Variants in FADS2 observed in about 807,000 individuals in gnomAD.
FADS2 encodes the protein fatty acid desaturase 2.
In FADS2, 18 loss-of-function variants were observed where a neutral mutation model predicts 61.2. That is an observed-to-expected ratio of 0.29 (90% CI 0.20 to 0.44). FADS2 has a LOEUF of 0.44. Among genes scored for constraint, FADS2 ranks in the 20% least tolerant of loss-of-function variants. FADS2 has a pLI of 1.00. For missense variants in FADS2, 322 were observed against 572.7 expected (o/e 0.56, Z 4.47); for synonymous variants, 203 against 223.9 (o/e 0.91, Z 0.83).
intron 1 of FADS2, among the ~76,000 whole-genome samples, chr11:61,835,771 C>G (rs1384622981): frequency 6.6e-6 from 1 of 152,104 alleles, no homozygotes; most frequent in Non-Finnish European, 1.5e-5. Context: ...TATCCTCAAC[C>G]AAGATTCACT....
Position 61,817,023 on chromosome 11 carries a change from G to T in FADS2, c.141+597G>T, listed in dbSNP as rs1271131958. ...GCTGCCAACACGCGCCCCCTCGCGG[G>T]CTCCCTAAAGGCGTCGCCGCCGGAT... On this transcript the variant is annotated intron_variant, in intron 1 of 11. Transcript: ENST00000257261. The T allele has an allele frequency of 3.1e-6, 4 of 1,304,196 alleles. No homozygotes were observed. The East Asian group carries it at 1.3e-4, about 41-fold the overall frequency. The allele number at this position is 1,304,196 out of a possible 1,614,324, so 80.8% of individuals were successfully genotyped here. A position where few individuals can be genotyped will look rare whatever the true frequency, so the allele number is the denominator to read the frequency against.
chr11:61,830,782 C>A (rs1277982681), intron 1 of FADS2, among the ~76,000 whole-genome samples: 1 of 152,176 alleles, frequency 6.6e-6, no homozygotes, highest in Non-Finnish European at 1.5e-5. Context: ...GTACCTGTTT[C>A]AATGAGACTG....
At chr11:61,853,222 TTCTTTCTTC>T (rs2067322964) in intron 5 of FADS2, among the ~76,000 whole-genome samples, 1 of 148,886 alleles carries the variant, frequency 6.7e-6, no homozygotes, top group South Asian at 2.1e-4. Flanking sequence ...TAGTCACTCT[TTCTTTCTTC>T]TCTTTCTTTC....
chr11:61,830,434 T>C (rs182847104), intron 1 of FADS2, among the ~76,000 whole-genome samples: 4 of 152,374 alleles, frequency 2.6e-5, no homozygotes, highest in Admixed American at 2.6e-4. Context: ...TCTCAGTGCT[T>C]ACCTGACCTT....
intron 1 of FADS2, among the ~76,000 whole-genome samples, chr11:61,819,268 G>A (rs1565323773): frequency 6.6e-6 from 1 of 152,210 alleles, no homozygotes; most frequent in African/African-American, 2.4e-5. Context: ...ATAGCCTAAG[G>A]AAATGTTCTT....
chr11:61,831,386 A>G (rs954179887), intron 1 of FADS2, among the ~76,000 whole-genome samples: 1 of 152,202 alleles, frequency 6.6e-6, no homozygotes, highest in Non-Finnish European at 1.5e-5. Context: ...TGAGCCCATC[A>G]CAGTGCAGTC....
chr11:61,857,196 G>A (rs1179764488), intron 6 of FADS2, 125 bp downstream of exon 6: 7 of 878,910 alleles, frequency 8.0e-6, no homozygotes, highest in Admixed American at 3.9e-5. Context: ...TAGAAGCGGG[G>A]GCCACAGCAG....
chr11:61,861,353 C>CAAAAAAAAAAAAAAAAA lies in FADS2; in HGVS notation c.883-1617_883-1601dup, dbSNP rs58136105. 1.8e-3 allele frequency among the ~76,000 whole-genome samples: 54 copies of CAAAAAAAAAAAAAAAAA among 29,692 alleles called. 1 individual carries two copies. The East Asian group carries it at 0.019, about 11-fold the overall frequency. 19.5% of individuals were successfully genotyped at this position (29,692 alleles called of 152,430 possible). Reference sequence around the variant, plus strand: ...TGGGCGACAGAGCGAGACTCCCTCTCAAAAAAAAAAAAAAAAAACAGAAAT... The same window carrying CAAAAAAAAAAAAAAAAA: ...TGGGCGACAGAGCGAGACTCCCTCTCAAAAAAAAAAAAAAAAAAAAAAAAAAAAAAAAAAACAGAAAT... On this transcript the variant is annotated intron_variant, in intron 7 of 11. Transcript: ENST00000278840.
At position 61,863,009 on chromosome 11, in the gene FADS2, T is replaced by C. The variant is rs1222954452; in HGVS notation, c.920T>C (p.Phe307Ser). The change falls in exon 8 of 12, where the codon TTC (phenylalanine) becomes TCC (serine). Residue 307 changes from phenylalanine (F) to serine (S), a missense_variant. Phe to Ser is a radical substitution (Grantham distance 155). Transcript: ENST00000278840. ...GCCGTCAGCTACTACATCCGGTTCTTCATCACCTACATCCCTTTCTACGGC... is the reference window on the plus strand; with the variant it reads ...GCCGTCAGCTACTACATCCGGTTCTCCATCACCTACATCCCTTTCTACGGC... ...AWAVSYYIRFFITYIPFYGIL... is the reference protein window; with the variant it reads ...AWAVSYYIRFSITYIPFYGIL... The C allele has an allele frequency of 6.2e-7, 1 of 1,614,114 alleles. No individual in the cohort carries two copies. Among genetic ancestry groups the C allele is most frequent in the African/African-American group, 1.3e-5 (1 of 74,944 alleles).
Position 61,828,665 on chromosome 11 carries a change from G to T in FADS2, c.207+68G>T. 1 of 1,455,706 alleles carries T rather than the reference G, an allele frequency of 6.9e-7. No individual in the cohort carries two copies. Among genetic ancestry groups the T allele is most frequent in the Non-Finnish European group, 9.4e-7 (1 of 1,062,286 alleles). The allele number at this position is 1,455,706 out of a possible 1,614,324, so 90.2% of individuals were successfully genotyped here. A position where few individuals can be genotyped will look rare whatever the true frequency, so the allele number is the denominator to read the frequency against. Reference sequence around the variant, plus strand: ...GCGGAGTCAGGATCCCTGGCTCCCCGTGGGCCAAACAGACCTCCGGCGCTG... The same window carrying T: ...GCGGAGTCAGGATCCCTGGCTCCCCTTGGGCCAAACAGACCTCCGGCGCTG... On this transcript the variant is annotated intron_variant, in intron 1 of 11. Transcript: ENST00000278840. This position sits in a 1 kb window ranked among gnomAD's most constrained non-coding sequence, Gnocchi z 6.4.
chr11:61,817,159 A>T (rs6591659), intron 1 of FADS2: 3 of 352,612 alleles, frequency 8.5e-6, no homozygotes, highest in East Asian at 5.1e-5. Context: ...TGCAGGAGTG[A>T]ATGGACTGAG....
At chr11:61,851,305 G>A (rs759982506) in intron 5 of FADS2, among the ~76,000 whole-genome samples, 1 of 152,212 alleles carries the variant, frequency 6.6e-6, no homozygotes, top group East Asian at 1.9e-4. Flanking sequence ...TTTCTTGTGC[G>A]TGGTGGCCAG....
chr11:61,845,884 G>A (rs1039700267), intron 4 of FADS2, among the ~76,000 whole-genome samples: 3 of 152,002 alleles, frequency 2.0e-5, no homozygotes, highest in African/African-American at 7.2e-5. Flanking sequence ...AGGGAGAACC[G>A]GGACTGCCCA....
At chr11:61,848,448 G>A (rs1369959180) in intron 5 of FADS2, among the ~76,000 whole-genome samples, 164 bp downstream of exon 5, 1 of 152,170 alleles carries the variant, frequency 6.6e-6, no homozygotes, top group African/African-American at 2.4e-5. Context: ...CCTAGGAAGT[G>A]TTTGGCCTGA....
intron 1 of FADS2, among the ~76,000 whole-genome samples, chr11:61,830,342 A>G (rs75995170): frequency 0.013 from 1,973 of 152,368 alleles, 35 homozygotes; most frequent in African/African-American, 0.043. Flanking sequence ...TTCTTATGTG[A>G]ACGCTTAGTC....
Position 61,866,502 on chromosome 11 carries a change from A to T in FADS2, c.*813A>T, listed in dbSNP as rs1362658148. On this transcript the variant is annotated 3_prime_UTR_variant, in exon 12 of 12. Coordinates refer to ENST00000278840, the MANE Select transcript of FADS2 (RefSeq NM_004265.4). ...TTCAGGGAGGGGCCGGCTGGCCTGG[A>T]GGCTCAGCCCACCCTCCAGCTTTTC... The T allele has an allele frequency of 1.3e-5, 2 of 152,680 alleles. No homozygotes were observed. Among genetic ancestry groups the T allele is most frequent in the East Asian group, 3.8e-4 (2 of 5,238 alleles). The allele number at this position is 152,680 out of a possible 1,614,324, so 9.5% of individuals were successfully genotyped here.
chr11:61,841,114 G>A (rs1386593764), intron 4 of FADS2, among the ~76,000 whole-genome samples: 1 of 150,474 alleles, frequency 6.6e-6, no homozygotes, highest in Admixed American at 6.6e-5. Context: ...AAGCAATGGT[G>A]TGATCTTGGG....
intron 10 of FADS2, among the ~76,000 whole-genome samples, chr11:61,864,377 C>CTT (rs145708790): frequency 2.1e-5 from 3 of 145,572 alleles, no homozygotes; most frequent in Non-Finnish European, 4.6e-5. Context: ...CTAATTTTTT[C>CTT]TTTTTTTTTT....
rs1044143683 is a variant in FADS2, at chr11:61,828,415, G to C, written c.25G>C (p.Glu9Gln). The C allele has an allele frequency of 6.3e-7, 1 of 1,575,754 alleles. No individual in the cohort carries two copies. The highest frequency in any genetic ancestry group is 8.6e-7 in the Non-Finnish European group (1 of 1,161,716). The change falls in exon 1 of 12, where the codon GAG becomes CAG. Residue 9 changes from glutamate (E) to glutamine (Q), a missense_variant. Physicochemically the swap from Glu to Gln is conservative, Grantham distance 29. Around this residue, in one of 3 missense-constraint regions of FADS2, gnomAD observed 61 missense variants for 107.4 expected, o/e 0.57. Transcript: ENST00000278840. The surrounding 1 kb of genome is among the most constrained non-coding windows in gnomAD (Gnocchi z 6.4). MGKGGNQG[E>Q]GAAEREVSVP... ...CATGGGGAAGGGAGGGAACCAGGGCGAGGGGGCCGCCGAGCGCGAGGTGTC... is the reference window on the plus strand; with the variant it reads ...CATGGGGAAGGGAGGGAACCAGGGCCAGGGGGCCGCCGAGCGCGAGGTGTC...
Sources: allele counts gnomAD v4.1 joint callset (sites outside exome capture counted in the v4.1 genomes callset), GRCh38; gene constraint gnomAD v4.1.1; regional missense constraint gnomAD v4.1.1; non-coding constraint Gnocchi (gnomAD v3.1); transcripts MANE v1.5; gene names NCBI Gene and HGNC (gene_info 2026-07-23, HGNC 2026-07-21).